Variants in HPSE2 observed in about 807,000 individuals in gnomAD.
HPSE2 encodes the protein heparanase 2 (inactive).
In HPSE2, 38 loss-of-function variants were observed where a neutral mutation model predicts 60.5. That is an observed-to-expected ratio of 0.63 (90% confidence interval 0.48 to 0.82). HPSE2 has a LOEUF of 0.82. HPSE2 is among the 40% of genes least tolerant of loss of function. HPSE2 has a pLI of 0.00. For missense variants in HPSE2, 713 were observed against 740.4 expected, an observed-to-expected ratio of 0.96 and a Z score of 0.43; for synonymous variants, 295 against 293.2, an observed-to-expected ratio of 1.01 and a Z score of -0.06.
At chr10:99,302,931 C>T in the HPSE2 span, among the ~76,000 whole-genome samples, 1 of 150,942 alleles carries the variant, frequency 6.6e-6, no homozygotes, top group Non-Finnish European at 1.5e-5. Flanking sequence ...AACATATTTG[C>T]TAGTATTTAT....
Position 99,223,434 on chromosome 10 carries a change from C to T in HPSE2, c.448+8914G>A, listed in dbSNP as rs565788452. Reference sequence around the variant, plus strand: ...CCAAATCTGGGCAGTTTACCTTTTCCCAGCTTTCTAACTTCGCATTCCAAA... The same window carrying T: ...CCAAATCTGGGCAGTTTACCTTTTCTCAGCTTTCTAACTTCGCATTCCAAA... On this transcript the variant is annotated intron_variant, in intron 2 of 11. Coordinates refer to ENST00000370552, the MANE Select transcript of HPSE2 (RefSeq NM_021828.5). Among the ~76,000 whole-genome samples, 215 of 152,126 alleles carry T rather than the reference C, an allele frequency of 1.4e-3. 2 individuals carry two copies. The highest frequency in any genetic ancestry group is 7.9e-3 in the South Asian group (38 of 4,822).
the HPSE2 span, among the ~76,000 whole-genome samples, chr10:99,315,051 T>C: frequency 5.9e-5 from 9 of 152,344 alleles, no homozygotes; most frequent in African/African-American, 2.2e-4. Flanking sequence ...TAGGAATGGA[T>C]GAGAAGTACA....
intron 4 of HPSE2, among the ~76,000 whole-genome samples, chr10:98,743,456 T>A (rs1389167806): frequency 6.6e-6 from 1 of 152,250 alleles, no homozygotes; most frequent in African/African-American, 2.4e-5. Context: ...GAGGTTCACA[T>A]ACTGTATAAA....
chr10:98,531,414 C>T (rs1943128012), intron 9 of HPSE2, among the ~76,000 whole-genome samples: 1 of 152,144 alleles, frequency 6.6e-6, no homozygotes, highest in African/African-American at 2.4e-5. Flanking sequence ...TCAAGAGCAC[C>T]AGCTCTTCCT....
At chr10:99,307,008 C>A in the HPSE2 span, among the ~76,000 whole-genome samples, 6 of 152,180 alleles carry the variant, frequency 3.9e-5, no homozygotes, top group South Asian at 2.1e-4. Flanking sequence ...CCATGCCTGG[C>A]CTTTCTTTAC....
At chr10:98,665,061 C>T (rs1947327094) in intron 6 of HPSE2, among the ~76,000 whole-genome samples, 1 of 152,058 alleles carries the variant, frequency 6.6e-6, no homozygotes, top group Non-Finnish European at 1.5e-5. Flanking sequence ...TAAAATGATC[C>T]AAGAACTGAA....
In HPSE2 at chr10:98,691,041, T is replaced by C. The variant is rs114629766; in HGVS notation, c.1004+2859A>G. 6.0e-3 allele frequency among the ~76,000 whole-genome samples: 916 copies of C among 152,306 alleles called. 12 individuals carry two copies. The highest frequency in any genetic ancestry group is 0.021 in the African/African-American group (867 of 41,566). On this transcript the variant is annotated intron_variant, in intron 6 of 11. Transcript: ENST00000370552. ...TTCTATGTTAGTCTCCCCCAGCCTT[T>C]TTTTACTAACAATGTCCCTCAATTT...
the HPSE2 span, among the ~76,000 whole-genome samples, chr10:99,307,646 C>T: frequency 6.6e-6 from 1 of 152,118 alleles, no homozygotes; most frequent in African/African-American, 2.4e-5. Flanking sequence ...TCTATGGCAC[C>T]CCCATGGCAC....
At chr10:98,639,742 A>C (rs1946590252) in intron 7 of HPSE2, among the ~76,000 whole-genome samples, 1 of 152,180 alleles carries the variant, frequency 6.6e-6, no homozygotes, top group Admixed American at 6.5e-5. Flanking sequence ...AAAGAACCTA[A>C]CTTCCAACAC....
intron 3 of HPSE2, among the ~76,000 whole-genome samples, chr10:98,749,457 GCATATATA>G: frequency 6.7e-6 from 1 of 150,302 alleles, no homozygotes; most frequent in South Asian, 2.1e-4. Flanking sequence ...ATATATGCAT[GCATATATA>G]CATATATACA....
At chr10:98,611,566 G>T (rs965109384) in intron 9 of HPSE2, among the ~76,000 whole-genome samples, 6 of 152,186 alleles carry the variant, frequency 3.9e-5, no homozygotes, top group African/African-American at 1.4e-4. Flanking sequence ...GCAGTGTTTA[G>T]TTATCAATTG....
intron 9 of HPSE2, among the ~76,000 whole-genome samples, chr10:98,539,738 T>C (rs377687430): frequency 1.3e-5 from 2 of 152,158 alleles, no homozygotes; most frequent in East Asian, 3.8e-4. Flanking sequence ...CTCTGATTGC[T>C]TTTCTTTTCT....
intron 9 of HPSE2, among the ~76,000 whole-genome samples, chr10:98,590,814 T>A (rs1278566794): frequency 2.0e-5 from 3 of 152,150 alleles, no homozygotes; most frequent in Non-Finnish European, 4.4e-5. Flanking sequence ...TTCCAGCCCC[T>A]CCACTTACTA....
rs72827433 is a variant in HPSE2, at chr10:98,577,579, G to T, written c.1320+37325C>A. Among the ~76,000 whole-genome samples, 916 of 152,258 alleles carry T rather than the reference G, an allele frequency of 6.0e-3. 6 individuals carry two copies. Among genetic ancestry groups the T allele is most frequent in the South Asian group, 0.02 (97 of 4,824 alleles). On this transcript the variant is annotated intron_variant, in intron 9 of 11. Coordinates refer to ENST00000370552, the MANE Select transcript of HPSE2 (RefSeq NM_021828.5). Reference sequence around the variant, plus strand: ...TCCCATTTTGTCCTTGCTCTTCTGAGGTGCTATTAAAACTTTGGAGAGGTA... The same window carrying T: ...TCCCATTTTGTCCTTGCTCTTCTGATGTGCTATTAAAACTTTGGAGAGGTA...
intron 3 of HPSE2, among the ~76,000 whole-genome samples, chr10:98,768,244 T>A (rs533970711): frequency 6.6e-6 from 1 of 152,296 alleles, no homozygotes; most frequent in Non-Finnish European, 1.5e-5. Flanking sequence ...TACACTTTTT[T>A]GTATAGTTTT....
chr10:98,642,628 T>C (rs1329133043), intron 6 of HPSE2, among the ~76,000 whole-genome samples: 1 of 152,226 alleles, frequency 6.6e-6, no homozygotes, highest in Non-Finnish European at 1.5e-5. Context: ...AAATGAAATA[T>C]TAAGTTGTTG....
chr10:98,658,935 GATA>G (rs1947151095), intron 6 of HPSE2, among the ~76,000 whole-genome samples: 1 of 146,998 alleles, frequency 6.8e-6, no homozygotes, highest in Non-Finnish European at 1.5e-5. Flanking sequence ...TTTTAATTGA[GATA>G]AAACCCACAT....
intron 3 of HPSE2, among the ~76,000 whole-genome samples, chr10:98,795,002 A>AGGGGAG (rs1950742669): frequency 9.5e-6 from 1 of 105,262 alleles, no homozygotes; most frequent in African/African-American, 3.3e-5. Flanking sequence ...GAGGGGAGGG[A>AGGGGAG]GGAAGGAGAG....
intron 11 of HPSE2, among the ~76,000 whole-genome samples, chr10:98,471,763 C>G (rs138732844): frequency 0.023 from 3,574 of 152,286 alleles, 65 homozygotes; most frequent in Middle Eastern, 0.048. Context: ...GATGAAGCAT[C>G]AGCGCTGATA....
Sources: gnomAD v4.1 joint callset for allele counts (sites outside exome capture counted in the v4.1 genomes callset) on GRCh38, gnomAD v4.1.1 for gene constraint, MANE v1.5 for transcripts, NCBI Gene and HGNC (gene_info 2026-07-23, HGNC 2026-07-21) for gene names.